The following CEP131 variants were observed in gnomAD, a reference collection of about 807,000 sequenced individuals.
CEP131 encodes centrosomal protein 131.
In CEP131, 99 loss-of-function variants were observed where a neutral mutation model predicts 136.8. The observed-to-expected ratio is 0.72, with a 90% CI of 0.62 to 0.86. The LOEUF is 0.86. Ranked by LOEUF, CEP131 falls within the 40% of genes least tolerant of loss-of-function variation. The probability of loss-of-function intolerance (pLI) is 0.00; values close to 1 mark genes in which losing one functional copy is unlikely to be tolerated. For missense variants in CEP131, 1,459 were observed against 1,463.0 expected (o/e 1.00, Z 0.04); for synonymous variants, 646 against 612.7 (o/e 1.05, Z -0.80).
In CEP131 at chr17:81,198,916, T is replaced by C. The variant is rs73356006; in HGVS notation, c.1248A>G (p.Ser416=). Residue 416 remains serine (S), a synonymous_variant, in exon 11 of 26, where the codon TCA becomes TCG. Coordinates refer to ENST00000450824, the MANE Select transcript of CEP131 (RefSeq NM_014984.4). ...PGDRCLPTSD[S]SPEPQQPPED... ...CTGGAGGCTGCTGTGGTTCTGGGGA[T>C]GAGTCGGAGGTGGGCAGGCAGCGGT... 1.3e-6 allele frequency: 2 copies of C among 1,593,668 alleles called. No homozygotes were observed. Among genetic ancestry groups the C allele is most frequent in the Non-Finnish European group, 1.7e-6 (2 of 1,171,214 alleles).
At chr17:81,218,452 G>T (rs957804340) in intron 2 of CEP131, among the ~76,000 whole-genome samples, 3 of 152,258 alleles carry the variant, frequency 2.0e-5, no homozygotes, top group Non-Finnish European at 4.4e-5. Context: ...AGTGACGCAG[G>T]AGCAGGGCTG....
In CEP131 at chr17:81,194,939, T is replaced by C; in HGVS notation, c.2050A>G (p.Thr684Ala). The change falls in exon 17 of 26, where the codon ACC becomes GCC. Residue 684 changes from threonine to alanine, a missense_variant. Thr to Ala is a moderately conservative substitution (Grantham distance 58). Coordinates refer to ENST00000450824, the MANE Select transcript of CEP131 (RefSeq NM_014984.4). ...IKKLKELMSA[T>A]EKARREKWIS... ...CACTTCTCCCGGCGGGCTTTCTCGGTGGCGCTCATTAATTCTTTGAGTTTT... is the reference window on the plus strand; with the variant it reads ...CACTTCTCCCGGCGGGCTTTCTCGGCGGCGCTCATTAATTCTTTGAGTTTT... 1 of 1,612,860 alleles carries C rather than the reference T, an allele frequency of 6.2e-7. No homozygotes were observed.
Position 81,203,694 on chromosome 17 carries a change from G to A in CEP131, c.516-87C>T. The A allele has an allele frequency of 9.0e-7, 1 of 1,107,778 alleles. No individual in the cohort carries two copies. Among genetic ancestry groups the A allele is most frequent in the South Asian group, 1.4e-5 (1 of 69,928 alleles). The allele number at this position is 1,107,778 out of a possible 1,614,324, so 68.6% of individuals were successfully genotyped here. Reference sequence around the variant, plus strand: ...GAGCTACACTCGCAGCACGGGCTGGGAGGGAACAAAGGCCTTCAGTGCTTG... The same window carrying A: ...GAGCTACACTCGCAGCACGGGCTGGAAGGGAACAAAGGCCTTCAGTGCTTG... On this transcript the variant is annotated intron_variant, in intron 5 of 25. Coordinates refer to ENST00000450824, the MANE Select transcript of CEP131 (RefSeq NM_014984.4). The surrounding 1 kb of genome is among the most constrained non-coding windows in gnomAD (Gnocchi z 4.6).
intron 2 of CEP131, 120 bp from the exon 3 acceptor site, chr17:81,209,142 G>T: frequency 1.4e-6 from 1 of 702,502 alleles, no homozygotes; most frequent in Non-Finnish European, 2.4e-6. Context: ...AGGGTTACAG[G>T]TGGCCCAAGT....
Position 81,204,062 on chromosome 17 carries a change from G to C in CEP131, c.516-455C>G, listed in dbSNP as rs75523078. The C allele has an allele frequency of 5.1e-3, 813 of 159,138 alleles. 5 individuals are homozygous for C. The highest frequency in any genetic ancestry group is 0.019 in the African/African-American group (773 of 41,724). The allele number at this position is 159,138 out of a possible 1,614,324, so 9.9% of individuals were successfully genotyped here. On this transcript the variant is annotated intron_variant, in intron 5 of 25. Coordinates refer to ENST00000450824, the MANE Select transcript of CEP131 (RefSeq NM_014984.4). ...GAGGGATGGGGAGACTGCAGGAAAG[G>C]GGCATCTGCAGACCTGGAGGATTAG... is the stretch of plus-strand genomic sequence containing the variant.
At chr17:81,197,432 C>T (rs960424886) in intron 13 of CEP131, 19 of 547,238 alleles carry the variant, frequency 3.5e-5, no homozygotes, top group South Asian at 1.1e-4. Flanking sequence ...CATATGGGCT[C>T]GTGGAGGCAG....
chr17:81,197,669 C>T (rs1192041740), intron 13 of CEP131, 43 bp downstream of exon 13: 2 of 1,574,696 alleles, frequency 1.3e-6, no homozygotes, highest in Non-Finnish European at 1.7e-6. Context: ...TCGTGAGGGG[C>T]CTCCTCCCAC....
At chr17:81,199,950 GC>G in intron 8 of CEP131, 115 bp from the exon 9 acceptor site, 2 of 1,046,594 alleles carry the variant, frequency 1.9e-6, no homozygotes, top group Non-Finnish European at 2.9e-6. Flanking sequence ...GAATCTCAGG[GC>G]CAGCAGGGAA....
At chr17:81,201,207 G>T (rs1229268551) in intron 7 of CEP131, among the ~76,000 whole-genome samples, 1 of 152,208 alleles carries the variant, frequency 6.6e-6, no homozygotes, top group Non-Finnish European at 1.5e-5. Context: ...CAGAACTGGG[G>T]GGCTTCAAGG....
chr17:81,205,039 T>C (rs2061973359), intron 5 of CEP131, among the ~76,000 whole-genome samples: 1 of 152,032 alleles, frequency 6.6e-6, no homozygotes, highest in Admixed American at 6.6e-5. Context: ...GGCGGGTGGA[T>C]CACAAGGTTA....
intron 21 of CEP131, 78 bp downstream of exon 21, chr17:81,192,240 C>G: frequency 7.1e-7 from 1 of 1,416,974 alleles, no homozygotes; most frequent in Non-Finnish European, 9.6e-7. Context: ...GCAGCAAAAC[C>G]CACCTGGGGC....
intron 5 of CEP131, among the ~76,000 whole-genome samples, chr17:81,204,274 C>A (rs1168080752): frequency 6.6e-6 from 1 of 152,158 alleles, no homozygotes; most frequent in East Asian, 1.9e-4. Context: ...CTCACTTGAG[C>A]CGCTAGCATC....
rs117616373 is a variant in CEP131 at position 81,190,688 on chromosome 17, C to T, written c.3058G>A (p.Ala1020Thr). Residue 1020 changes from alanine (A) to threonine (T), a missense_variant, in exon 24 of 26, where the codon GCC (alanine) becomes ACC (threonine). Around this residue, in one of 3 missense-constraint regions of CEP131, gnomAD observed 1,026 missense variants for 964.2 expected, o/e 1.06. Coordinates refer to ENST00000450824, the MANE Select transcript of CEP131 (RefSeq NM_014984.4). ...EETRQAKAEL[A>T]TLQARQQLEL... ...AGCTGCTGGCGGGCCTGCAGCGTGG[C>T]CAGCTCGGCCTTGGCCTGCCGCGTC... 0.041 allele frequency: 65,504 copies of T among 1,604,136 alleles called. 1,549 individuals are homozygous for T. Among genetic ancestry groups the T allele is most frequent in the Non-Finnish European group, 0.047 (55,788 of 1,177,316 alleles).
At position 81,197,187 on chromosome 17, in the gene CEP131, G is replaced by A. The variant is rs879804469; in HGVS notation, c.1648-132C>T. On this transcript the variant is annotated intron_variant, in intron 13 of 25. Transcript: ENST00000450824. ...TGCACACGGGAGCCCGTGGGAAGCC[G>A]GAGGGCAGGTGGCAGGCGGCCCAGC... The A allele has an allele frequency of 8.1e-5, 110 of 1,350,216 alleles. 1 individual carries two copies. The highest frequency in any genetic ancestry group is 1.0e-4 in the Non-Finnish European group (104 of 1,020,008). 83.6% of individuals were successfully genotyped at this position (1,350,216 alleles called of 1,614,324 possible). A position where few individuals can be genotyped will look rare whatever the true frequency, so the allele number is the denominator to read the frequency against.
chr17:81,204,740 C>T, intron 5 of CEP131, among the ~76,000 whole-genome samples: 1 of 146,986 alleles, frequency 6.8e-6, no homozygotes, highest in Admixed American at 6.7e-5. Flanking sequence ...CTGCACCGGA[C>T]CACACCTGCA....
intron 18 of CEP131, among the ~76,000 whole-genome samples, chr17:81,193,091 G>A (rs1002869528): frequency 6.6e-6 from 1 of 152,244 alleles, no homozygotes; most frequent in African/African-American, 2.4e-5. Context: ...TGGCACTTTG[G>A]GAAGTGGCTG....
rs2062050290 is a variant in CEP131 at position 81,208,024 on chromosome 17, C to T, written c.273-785G>A. 2.7e-5 allele frequency among the ~76,000 whole-genome samples: 3 copies of T among 109,716 alleles called. No homozygotes were observed. Among genetic ancestry groups the T allele is most frequent in the African/African-American group, 9.7e-5 (3 of 31,070 alleles). The allele number at this position is 109,716 out of a possible 152,430, so 72.0% of individuals were successfully genotyped here. ...CCAGACACACACCACTCACACCACA[C>T]ACCCACACACCACACACCCCCCACA... On this transcript the variant is annotated intron_variant, in intron 3 of 25. Coordinates refer to ENST00000450824, the MANE Select transcript of CEP131 (RefSeq NM_014984.4). The surrounding 1 kb of genome is among the most constrained non-coding windows in gnomAD (Gnocchi z 5.6).
chr17:81,201,207 G>A (rs1229268551), intron 7 of CEP131, among the ~76,000 whole-genome samples: 1 of 152,208 alleles, frequency 6.6e-6, no homozygotes, highest in Non-Finnish European at 1.5e-5. Flanking sequence ...CAGAACTGGG[G>A]GGCTTCAAGG....
Position 81,196,840 on chromosome 17 carries a change from G to A in CEP131, c.1774-14C>T. On this transcript the variant is annotated splice_polypyrimidine_tract_variant and intron_variant, in intron 14 of 25. Transcript: ENST00000450824. The stretch of plus-strand genomic sequence containing the variant: ...TCGCTGCTGCGCCTGCAGGGTGTGG[G>A]CAGAGGAGGGAAGCGCTAGGACCGG... The A allele has an allele frequency of 6.3e-7, 1 of 1,597,676 alleles. No individual in the cohort carries two copies. The highest frequency in any genetic ancestry group is 8.5e-7 in the Non-Finnish European group (1 of 1,173,180).
Sources: allele counts gnomAD v4.1 joint callset (sites outside exome capture counted in the v4.1 genomes callset), GRCh38; gene constraint gnomAD v4.1.1; regional missense constraint gnomAD v4.1.1; non-coding constraint Gnocchi (gnomAD v3.1); transcripts MANE v1.5; gene names NCBI Gene and HGNC (gene_info 2026-07-23, HGNC 2026-07-21).